Variants in CERT1 observed in about 807,000 individuals in gnomAD.
CERT1 encodes the protein ceramide transfer protein.
Under a neutral mutation model 87.9 loss-of-function variants are expected in CERT1, and 31 were observed. The observed-to-expected ratio is 0.35, with a 90% confidence interval of 0.27 to 0.48. CERT1 has a LOEUF of 0.48. CERT1 is among the 20% of genes least tolerant of loss of function. CERT1 has a pLI of 0.99. For synonymous variants in CERT1, 289 were observed against 250.9 expected, an observed-to-expected ratio of 1.15 and a Z score of -1.44; for missense variants, 487 against 758.0, an observed-to-expected ratio of 0.64 and a Z score of 4.20.
chr5:75,434,968 G>A (rs187083876), intron 3 of CERT1, among the ~76,000 whole-genome samples: 7 of 152,200 alleles, frequency 4.6e-5, no homozygotes, highest in African/African-American at 1.7e-4. Context: ...CAGATTACAT[G>A]TCTCAGTTTC....
intron 5 of CERT1, among the ~76,000 whole-genome samples, chr5:75,420,181 G>T (rs1561249854): frequency 6.6e-6 from 1 of 151,756 alleles, no homozygotes; most frequent in Admixed American, 6.6e-5. Flanking sequence ...GTTTCACTAT[G>T]TTGGCCAGGC....
At chr5:75,450,901 A>T (rs1048579044) in intron 3 of CERT1, among the ~76,000 whole-genome samples, 5 of 152,172 alleles carry the variant, frequency 3.3e-5, no homozygotes, top group African/African-American at 1.2e-4. Flanking sequence ...GTAACCCAAC[A>T]ACCTTGGGCA....
intron 1 of CERT1, among the ~76,000 whole-genome samples, chr5:75,510,615 A>G (rs1371866698): frequency 1.3e-5 from 2 of 152,120 alleles, no homozygotes; most frequent in African/African-American, 4.8e-5. Flanking sequence ...GTCTCACTAC[A>G]TCTAACCTAG....
chr5:75,434,604 G>C lies in CERT1; in HGVS notation c.349-8126C>G, dbSNP rs149980942. Among the ~76,000 whole-genome samples the C allele has an allele frequency of 2.7e-4, 41 of 150,416 alleles. No homozygotes were observed. The East Asian group carries it at 7.8e-3, about 28-fold the overall frequency. On this transcript the variant is annotated intron_variant, in intron 3 of 16. Coordinates refer to ENST00000643780, the MANE Select transcript of CERT1 (RefSeq NM_001379029.1). ...TATACATCTGGTAGAATAGAGCTAT[G>C]AATCCATGTGGTCCACGGCTTTTTC... is the stretch of plus-strand genomic sequence containing the variant.
intron 2 of CERT1, among the ~76,000 whole-genome samples, chr5:75,473,563 G>A (rs1406803657): frequency 6.6e-6 from 1 of 152,184 alleles, no homozygotes; most frequent in Non-Finnish European, 1.5e-5. Flanking sequence ...AGTTACCAGA[G>A]TCTGGAGTGT....
intron 7 of CERT1, among the ~76,000 whole-genome samples, chr5:75,412,668 C>T (rs1181862035): frequency 6.6e-6 from 1 of 152,110 alleles, no homozygotes; most frequent in African/African-American, 2.4e-5. Context: ...GCAATTTTAA[C>T]ATGATGGTTA....
At chr5:75,470,798 C>G (rs1765673792) in intron 2 of CERT1, among the ~76,000 whole-genome samples, 1 of 151,968 alleles carries the variant, frequency 6.6e-6, no homozygotes, top group East Asian at 1.9e-4. Flanking sequence ...TTAAATTGTC[C>G]CTGTCTGCAG....
rs530846483 is a variant in CERT1, at chr5:75,388,307, A to G, written c.1284+1285T>C. 1.1e-4 allele frequency among the ~76,000 whole-genome samples: 16 copies of G among 152,226 alleles called. No homozygotes were observed. The South Asian group carries it at 2.7e-3, about 26-fold the overall frequency. On this transcript the variant is annotated intron_variant, in intron 12 of 16. Transcript: ENST00000643780. ...AGAGGAAATCCCAGCATCTAATATTATATCTTATTTGCTAGAATAATTCTG... is the reference window on the plus strand; with the variant it reads ...AGAGGAAATCCCAGCATCTAATATTGTATCTTATTTGCTAGAATAATTCTG...
intron 8 of CERT1, among the ~76,000 whole-genome samples, chr5:75,410,297 T>C (rs1299333277): frequency 6.6e-6 from 1 of 152,158 alleles, no homozygotes; most frequent in Non-Finnish European, 1.5e-5. Flanking sequence ...AGAACAGTTT[T>C]ATGTTCAGCT....
chr5:75,488,488 T>C (rs933279916), intron 2 of CERT1, among the ~76,000 whole-genome samples: 1 of 152,124 alleles, frequency 6.6e-6, no homozygotes, highest in Non-Finnish European at 1.5e-5. Context: ...ACTAATAAAT[T>C]ATTTGCAAAT....
intron 14 of CERT1, among the ~76,000 whole-genome samples, chr5:75,383,904 T>C (rs921987006): frequency 6.6e-6 from 1 of 152,184 alleles, no homozygotes; most frequent in Non-Finnish European, 1.5e-5. Flanking sequence ...AAGAGAACTA[T>C]TGATTCTATA....
chr5:75,473,370 G>T (rs1327955691), intron 2 of CERT1, among the ~76,000 whole-genome samples: 2 of 152,192 alleles, frequency 1.3e-5, no homozygotes, highest in African/African-American at 4.8e-5. Flanking sequence ...ACAGGCATGA[G>T]CCACCAAATC....
At chr5:75,391,262 T>C (rs1205030474) in intron 11 of CERT1, among the ~76,000 whole-genome samples, 4 of 152,224 alleles carry the variant, frequency 2.6e-5, no homozygotes, top group Non-Finnish European at 4.4e-5. Flanking sequence ...TAATTTTCTA[T>C]ACCAAAGGAT....
intron 12 of CERT1, among the ~76,000 whole-genome samples, chr5:75,388,000 C>T (rs1188861650): frequency 6.6e-6 from 1 of 152,154 alleles, no homozygotes; most frequent in Admixed American, 6.5e-5. Flanking sequence ...AGGGAGGTGA[C>T]TCTACGGTGA....
At chr5:75,464,729 C>T (rs1765389447) in intron 2 of CERT1, among the ~76,000 whole-genome samples, 2 of 152,128 alleles carry the variant, frequency 1.3e-5, no homozygotes, top group Non-Finnish European at 2.9e-5. Context: ...ATGCATGCCA[C>T]TACACCTGGA....
At chr5:75,458,230 C>CA (rs1426276461) in intron 3 of CERT1, among the ~76,000 whole-genome samples, 8 of 152,104 alleles carry the variant, frequency 5.3e-5, no homozygotes, top group African/African-American at 7.2e-5. Context: ...TAACAGAAGT[C>CA]AAAGACTAGC....
At chr5:75,485,402 T>C (rs1001635864) in intron 2 of CERT1, among the ~76,000 whole-genome samples, 6 of 150,082 alleles carry the variant, frequency 4.0e-5, no homozygotes, top group African/African-American at 9.8e-5. Flanking sequence ...GGGACATTTA[T>C]ATTAATAAGC....
chr5:75,425,409 C>T lies in CERT1; in HGVS notation c.547G>A (p.Asp183Asn). 6.2e-7 allele frequency: 1 copy of T among 1,614,070 alleles called. No homozygotes were observed. The highest frequency in any genetic ancestry group is 8.5e-7 in the Non-Finnish European group (1 of 1,179,926). The change falls in exon 5 of 17, where the codon GAT becomes AAT. Residue 183 changes from aspartate (D) to asparagine (N), a missense_variant. Physicochemically the swap from Asp to Asn is conservative, Grantham distance 23. Around this residue, in one of 8 missense-constraint regions of CERT1, gnomAD observed 173 missense variants for 302.2 expected, o/e 0.57. Coordinates refer to ENST00000643780, the MANE Select transcript of CERT1 (RefSeq NM_001379029.1). ...RQVDTLQKYF[D>N]ACADAVSKDE... is the part of the protein sequence containing the mutation. ...TTAGAGACAGCATCAGCACAGGCAT[C>T]AAAGTACTTCTGTAGCGTGTCAACT...
intron 8 of CERT1, among the ~76,000 whole-genome samples, chr5:75,403,735 T>C (rs75309064): frequency 0.026 from 3,964 of 152,308 alleles, 149 homozygotes; most frequent in African/African-American, 0.085. Context: ...TGGCCATCAA[T>C]CACTTGGGGA....
Sources: gnomAD v4.1 joint callset for allele counts (sites outside exome capture counted in the v4.1 genomes callset) on GRCh38, gnomAD v4.1.1 for gene constraint, gnomAD v4.1.1 regional missense constraint, MANE v1.5 for transcripts, NCBI Gene and HGNC (gene_info 2026-07-23, HGNC 2026-07-21) for gene names.